Variants in PLD5 observed in about 807,000 individuals in gnomAD.
PLD5 encodes inactive phospholipase D5.
In PLD5, 36 loss-of-function variants were observed where a neutral mutation model predicts 61.1. The observed-to-expected ratio is 0.59, with a 90% CI of 0.45 to 0.78. The LOEUF is 0.78. PLD5 is among the 30% of genes least tolerant of loss of function. PLD5 has a pLI of 0.00. For synonymous variants in PLD5, 243 were observed against 242.8 expected (o/e 1.00, Z -0.01); for missense variants, 515 against 644.4 (o/e 0.80, Z 2.17).
intron 5 of PLD5, among the ~76,000 whole-genome samples, chr1:242,189,888 T>A (rs1407692808): frequency 2.6e-5 from 4 of 151,912 alleles, no homozygotes; most frequent in Non-Finnish European, 5.9e-5. Flanking sequence ...AGAAAGAAGG[T>A]CAGTGCCTCA....
chr1:242,262,455 C>T (rs1385095351), intron 4 of PLD5, among the ~76,000 whole-genome samples: 1 of 152,138 alleles, frequency 6.6e-6, no homozygotes, highest in Non-Finnish European at 1.5e-5. Context: ...GCATGATATT[C>T]CTCAGGCATC....
chr1:242,427,106 C>T (rs952463574), intron 1 of PLD5, among the ~76,000 whole-genome samples: 1 of 152,164 alleles, frequency 6.6e-6, no homozygotes, highest in African/African-American at 2.4e-5. Flanking sequence ...TTTATCTGAG[C>T]AAGAAATAAA....
intron 1 of PLD5, among the ~76,000 whole-genome samples, chr1:242,498,655 C>T (rs2174205): frequency 0.08 from 12,158 of 152,210 alleles, 1,219 homozygotes; most frequent in African/African-American, 0.24. Context: ...GCTGTAATGT[C>T]ACCCTCTTAC....
intron 5 of PLD5, among the ~76,000 whole-genome samples, chr1:242,210,010 G>A (rs529765886): frequency 4.6e-5 from 7 of 152,278 alleles, no homozygotes; most frequent in Non-Finnish European, 8.8e-5. Context: ...GGACAGGCTG[G>A]TCTTGAACTC....
chr1:242,464,648 C>T lies in PLD5; in HGVS notation c.189+59440G>A, dbSNP rs946567305. Reference sequence around the variant, plus strand: ...AGAAATACCAAGTAATCCAGCAATTCCAACTCTAGGTATATACCCCAAAGA... The same window carrying T: ...AGAAATACCAAGTAATCCAGCAATTTCAACTCTAGGTATATACCCCAAAGA... On this transcript the variant is annotated intron_variant, in intron 1 of 9. Transcript: ENST00000536534. Among the ~76,000 whole-genome samples, 57 of 152,180 alleles carry T rather than the reference C, an allele frequency of 3.7e-4. 1 individual carries two copies. Among genetic ancestry groups the T allele is most frequent in the Admixed American group, 3.4e-3 (52 of 15,278 alleles).
intron 8 of PLD5, among the ~76,000 whole-genome samples, chr1:242,105,943 T>C (rs1661024937): frequency 6.6e-6 from 1 of 152,204 alleles, no homozygotes; most frequent in Non-Finnish European, 1.5e-5. Flanking sequence ...TCAGAACCTA[T>C]TACATTTCTG....
chr1:242,319,593 C>A (rs552619264), intron 2 of PLD5, among the ~76,000 whole-genome samples: 1 of 152,276 alleles, frequency 6.6e-6, no homozygotes, highest in African/African-American at 2.4e-5. Flanking sequence ...AATTTTCCCA[C>A]AAGGGAATTC....
intron 2 of PLD5, among the ~76,000 whole-genome samples, chr1:242,288,993 A>G (rs192277105): frequency 1.6e-3 from 245 of 151,518 alleles, no homozygotes; most frequent in Admixed American, 4.3e-3. Context: ...GGAACTCAAT[A>G]AATGCAGTAA....
chr1:242,373,003 G>C (rs1284446832), intron 1 of PLD5, among the ~76,000 whole-genome samples: 1 of 152,156 alleles, frequency 6.6e-6, no homozygotes, highest in African/African-American at 2.4e-5. Flanking sequence ...AGAGTGAACA[G>C]GCAAACTACA....
At chr1:242,357,726 A>T (rs535228060) in intron 1 of PLD5, among the ~76,000 whole-genome samples, 15 of 152,162 alleles carry the variant, frequency 9.9e-5, no homozygotes, top group African/African-American at 3.6e-4. Context: ...ACCTCAGGTG[A>T]TTCATCTGCC....
intron 4 of PLD5, among the ~76,000 whole-genome samples, chr1:242,232,875 C>T (rs1671395771): frequency 6.6e-6 from 1 of 151,660 alleles, no homozygotes; most frequent in Admixed American, 6.6e-5. Flanking sequence ...AAAGGTTTGG[C>T]TGGGTGCGGT....
intron 1 of PLD5, among the ~76,000 whole-genome samples, chr1:242,388,501 AGGG>A (rs1032878864): frequency 1.3e-5 from 2 of 152,200 alleles, no homozygotes; most frequent in Non-Finnish European, 2.9e-5. Context: ...AGAAGACTGA[AGGG>A]AGTGGTGGAT....
chr1:242,506,779 G>A (rs953741191), intron 1 of PLD5, among the ~76,000 whole-genome samples: 9 of 152,166 alleles, frequency 5.9e-5, no homozygotes, highest in Admixed American at 5.2e-4. Context: ...TACTGGACGG[G>A]AAAAGATTCT....
chr1:242,096,959 C>G lies in PLD5; in HGVS notation c.1354+3709G>C, dbSNP rs57929768. Among the ~76,000 whole-genome samples, 1,312 of 136,598 alleles carry G rather than the reference C, an allele frequency of 9.6e-3. 24 individuals are homozygous for G. Among genetic ancestry groups the G allele is most frequent in the African/African-American group, 0.031 (1,160 of 37,284 alleles). The allele number at this position is 136,598 out of a possible 152,430, so 89.6% of individuals were successfully genotyped here. ...GTTCCCCTTCCTGTGTCTGTGTGTT[C>G]TCATTTTTCAATTCCCACCTATGAG... On this transcript the variant is annotated intron_variant, in intron 9 of 9. Coordinates refer to ENST00000536534, the MANE Select transcript of PLD5 (RefSeq NM_001372062.1).
At chr1:242,357,933 T>C (rs1660849900) in intron 1 of PLD5, among the ~76,000 whole-genome samples, 1 of 152,190 alleles carries the variant, frequency 6.6e-6, no homozygotes, top group South Asian at 2.1e-4. Context: ...CTTTTTCTTT[T>C]TTTCCTTTTG....
At chr1:242,523,326 A>G (rs1232641012) in intron 1 of PLD5, among the ~76,000 whole-genome samples, 2 of 151,788 alleles carry the variant, frequency 1.3e-5, no homozygotes, top group African/African-American at 4.9e-5. Context: ...TGGATCCACT[A>G]AACGCCTTTT....
intron 3 of PLD5, among the ~76,000 whole-genome samples, chr1:242,274,290 A>G (rs1041531075): frequency 6.6e-6 from 1 of 152,256 alleles, no homozygotes; most frequent in African/African-American, 2.4e-5. Flanking sequence ...GCTTACGCCT[A>G]TAATCCCAGT....
chr1:242,185,683 C>T (rs1667829042), intron 5 of PLD5, among the ~76,000 whole-genome samples: 1 of 152,174 alleles, frequency 6.6e-6, no homozygotes, highest in Non-Finnish European at 1.5e-5. Flanking sequence ...CTAATTAGAA[C>T]TTTAATGGGT....
intron 5 of PLD5, among the ~76,000 whole-genome samples, chr1:242,215,592 G>A (rs12727765): frequency 0.28 from 41,841 of 151,998 alleles, 6,191 homozygotes; most frequent in South Asian, 0.39. Context: ...TTATTAACAT[G>A]GGGAAGAAGG....
Sources: allele counts gnomAD v4.1 joint callset (sites outside exome capture counted in the v4.1 genomes callset), GRCh38; gene constraint gnomAD v4.1.1; transcripts MANE v1.5; gene names NCBI Gene and HGNC (gene_info 2026-07-23, HGNC 2026-07-21).